Variants in ARHGAP8 observed in about 807,000 individuals in gnomAD.
ARHGAP8 encodes the protein Rho GTPase activating protein 8, also known as rho GTPase-activating protein 8.
Under a neutral mutation model 46.1 loss-of-function variants are expected in ARHGAP8, and 62 were observed. The observed-to-expected ratio is 1.34, with a 90% CI of 1.10 to 1.66. ARHGAP8 has a LOEUF of 1.66. Among genes scored for constraint, ARHGAP8 ranks in the 40% most tolerant of loss-of-function variants. The probability of loss-of-function intolerance (pLI) is 0.00; values close to 1 mark genes in which losing one functional copy is unlikely to be tolerated. For missense variants in ARHGAP8, 923 were observed against 568.4 expected (o/e 1.62, Z -6.34); for synonymous variants, 375 against 243.1 (o/e 1.54, Z -5.05).
At chr22:44,786,652 C>G (rs768717458) in intron 2 of ARHGAP8, 46 bp downstream of exon 2, 1 of 1,577,122 alleles carries the variant, frequency 6.3e-7, no homozygotes, top group Non-Finnish European at 8.6e-7. Flanking sequence ...GCAGAGCAGC[C>G]TTCCTCTCGG....
intron 10 of ARHGAP8, among the ~76,000 whole-genome samples, chr22:44,858,749 T>G (rs1328475293): frequency 1.3e-3 from 172 of 134,790 alleles, no homozygotes; most frequent in African/African-American, 1.7e-3. Flanking sequence ...GGTCTCAGAG[T>G]GGGGGCCAGT....
At chr22:44,786,312 G>A (rs989201328) in intron 1 of ARHGAP8, 145 bp from the exon 2 acceptor site, 15 of 973,582 alleles carry the variant, frequency 1.5e-5, no homozygotes, top group East Asian at 2.7e-5. Context: ...GAGGCAGGGC[G>A]CGTAGTGGGT....
At chr22:44,833,913 C>T (rs143712386) in intron 7 of ARHGAP8, among the ~76,000 whole-genome samples, 207 of 152,164 alleles carry the variant, frequency 1.4e-3, no homozygotes, top group Non-Finnish European at 2.4e-3. Flanking sequence ...TTGTTCATTT[C>T]GTCTAGGTTT....
chr22:44,775,805 G>A (rs534723361), intron 1 of ARHGAP8, among the ~76,000 whole-genome samples: 9 of 152,134 alleles, frequency 5.9e-5, no homozygotes, highest in South Asian at 2.1e-4. Context: ...AGCACAAATC[G>A]TATCTCATTT....
intron 1 of ARHGAP8, among the ~76,000 whole-genome samples, chr22:44,758,403 C>T (rs542728031): frequency 1.2e-4 from 19 of 152,226 alleles, no homozygotes; most frequent in African/African-American, 4.6e-4. Context: ...GCCTGGGTGA[C>T]AGAGTGAGAT....
At chr22:44,795,625 G>A (rs968681941) in intron 2 of ARHGAP8, among the ~76,000 whole-genome samples, 4 of 152,114 alleles carry the variant, frequency 2.6e-5, no homozygotes, top group Non-Finnish European at 4.4e-5. Context: ...AGACGAGGGC[G>A]GGAGGCAGAG....
chr22:44,810,278 A>G (rs1251794760), intron 4 of ARHGAP8, among the ~76,000 whole-genome samples: 5 of 110,862 alleles, frequency 4.5e-5, no homozygotes, highest in Admixed American at 1.4e-4. Flanking sequence ...GTCTCATTCT[A>G]TTGCCTGGGC....
At chr22:44,812,025 G>A (rs1187926536) in intron 4 of ARHGAP8, among the ~76,000 whole-genome samples, 1 of 151,518 alleles carries the variant, frequency 6.6e-6, no homozygotes. Flanking sequence ...TTTATGCAGT[G>A]AGGGTTTTCA....
At chr22:44,859,897 G>C in intron 11 of ARHGAP8, 63 bp downstream of exon 11, 3 of 1,563,914 alleles carry the variant, frequency 1.9e-6, no homozygotes, top group South Asian at 2.3e-5. Flanking sequence ...TGCTGGGCCC[G>C]CATGGACCAG....
chr22:44,859,599 G>A, intron 10 of ARHGAP8, 132 bp from the exon 11 acceptor site: 1 of 919,536 alleles, frequency 1.1e-6, no homozygotes. Context: ...ATAAGTGGGG[G>A]TCCCAAGCCC....
chr22:44,792,116 G>A (rs3788625), intron 2 of ARHGAP8, among the ~76,000 whole-genome samples: 71,560 of 151,050 alleles, frequency 0.47, 17,441 homozygotes, highest in South Asian at 0.62. Flanking sequence ...AGGTTCAAGC[G>A]ATTCTCTGCC....
chr22:44,817,023 T>C (rs1929802588), intron 5 of ARHGAP8, among the ~76,000 whole-genome samples: 1 of 152,008 alleles, frequency 6.6e-6, no homozygotes, highest in Non-Finnish European at 1.5e-5. Context: ...GTAGCTGGGA[T>C]TACAGGCACC....
chr22:44,798,028 G>A (rs1928221703), intron 2 of ARHGAP8, among the ~76,000 whole-genome samples: 1 of 146,592 alleles, frequency 6.8e-6, no homozygotes, highest in Non-Finnish European at 1.5e-5. Flanking sequence ...CCAGGCTAGA[G>A]TGCATTGGTG....
chr22:44,764,378 AG>A (rs1206056814), intron 1 of ARHGAP8, among the ~76,000 whole-genome samples: 1 of 152,246 alleles, frequency 6.6e-6, no homozygotes, highest in East Asian at 1.9e-4. Context: ...TGGCAAAGAC[AG>A]GCCTGAGAGT....
rs577971777 is a variant in ARHGAP8, at chr22:44,816,283, A to G, written c.386+1525A>G. On this transcript the variant is annotated intron_variant, in intron 5 of 11. Coordinates refer to ENST00000356099, the MANE Select transcript of ARHGAP8 (RefSeq NM_181335.3). ...AGACAGAGCTGGAATGCCAGCTGGGACCTCGGAATCCACACTGTCTCCTTC... is the reference window on the plus strand; with the variant it reads ...AGACAGAGCTGGAATGCCAGCTGGGGCCTCGGAATCCACACTGTCTCCTTC... 3.3e-5 allele frequency among the ~76,000 whole-genome samples: 5 copies of G among 152,050 alleles called. No homozygotes were observed. The East Asian group carries it at 5.8e-4, about 18-fold the overall frequency.
At chr22:44,859,467 T>G (rs1265642745) in intron 10 of ARHGAP8, among the ~76,000 whole-genome samples, 3 of 152,224 alleles carry the variant, frequency 2.0e-5, no homozygotes, top group Non-Finnish European at 4.4e-5. Flanking sequence ...CAGGTGCTGG[T>G]GCCATGCTTG....
chr22:44,787,942 C>CTTTTTTTTT (rs1569145142), intron 2 of ARHGAP8, among the ~76,000 whole-genome samples: 1 of 78,176 alleles, frequency 1.3e-5, no homozygotes, highest in African/African-American at 6.0e-5. Flanking sequence ...TTTTTTTTTC[C>CTTTTTTTTT]CCCCAAATGT....
At chr22:44,839,013 T>C (rs1190557352) in intron 7 of ARHGAP8, among the ~76,000 whole-genome samples, 2 of 152,128 alleles carry the variant, frequency 1.3e-5, no homozygotes, top group Non-Finnish European at 2.9e-5. Flanking sequence ...CCGGTGGTGA[T>C]CTAGCTCCTA....
chr22:44,787,029 C>CAAAAAAAAAA (rs34957650), intron 2 of ARHGAP8, among the ~76,000 whole-genome samples: 21 of 94,804 alleles, frequency 2.2e-4, no homozygotes, highest in African/African-American at 6.8e-4. Flanking sequence ...GACCCTGTCT[C>CAAAAAAAAAA]AAAAAAACAA....
Sources: allele counts gnomAD v4.1 joint callset (sites outside exome capture counted in the v4.1 genomes callset), GRCh38; gene constraint gnomAD v4.1.1; transcripts MANE v1.5; gene names NCBI Gene and HGNC (gene_info 2026-07-23, HGNC 2026-07-21).